Variants in COG6 observed in about 807,000 individuals in gnomAD.
COG6 encodes conserved oligomeric Golgi complex subunit 6.
COG6 carries 74 observed loss-of-function variants against 88.8 expected under a neutral mutation model. The observed-to-expected ratio is 0.83, with a 90% confidence interval of 0.69 to 1.01. The LOEUF is 1.01. Ranked by LOEUF, COG6 falls within the 50% of genes least tolerant of loss-of-function variation. The pLI, the probability that COG6 is intolerant of heterozygous loss-of-function variation, is 0.00. For missense variants in COG6, 800 were observed against 797.9 expected (o/e 1.00, Z -0.03); for synonymous variants, 286 against 278.7 (o/e 1.03, Z -0.26).
At chr13:39,715,074 G>T (rs1047758535) in intron 13 of COG6, among the ~76,000 whole-genome samples, 4 of 152,030 alleles carry the variant, frequency 2.6e-5, no homozygotes, top group African/African-American at 9.7e-5. Flanking sequence ...GATGAGGAGT[G>T]AGGGATGAAA....
At chr13:39,785,844 C>T (rs575386493) in intron 18 of COG6, among the ~76,000 whole-genome samples, 13 of 152,212 alleles carry the variant, frequency 8.5e-5, no homozygotes, top group South Asian at 2.1e-4. Flanking sequence ...CAAATCAAAA[C>T]GGAGAGAGTA....
rs1878742699 is a variant in COG6 at position 39,719,687 on chromosome 13, CTACAGATGTGT to C, written c.1445_1455del (p.Leu482HisfsTer11). ...TTTATCATGTGTCTTGGATCCTCTC[CTACAGATGTGT>C]ACTGTATCAGCCAGCAATTTAGGCA... On this transcript the variant is annotated frameshift_variant, in exon 15 of 19. Transcript: ENST00000455146. LOFTEE classifies it high-confidence loss of function. 1 of 1,612,684 alleles carries C rather than the reference CTACAGATGTGT, an allele frequency of 6.2e-7. No homozygotes were observed. Among genetic ancestry groups the C allele is most frequent in the Non-Finnish European group, 8.5e-7 (1 of 1,179,110 alleles).
chr13:39,710,001 A>T (rs1878151129), intron 13 of COG6, among the ~76,000 whole-genome samples: 1 of 152,048 alleles, frequency 6.6e-6, no homozygotes, highest in South Asian at 2.1e-4. Context: ...TATTCCATTG[A>T]TTTCATTTTA....
At chr13:39,750,065 A>G (rs558682255) in intron 18 of COG6, among the ~76,000 whole-genome samples, 1 of 152,328 alleles carries the variant, frequency 6.6e-6, no homozygotes, top group South Asian at 2.1e-4. Flanking sequence ...CATTAACAGA[A>G]GTAGGAAACT....
chr13:39,718,623 C>G (rs1237365567), intron 13 of COG6, among the ~76,000 whole-genome samples: 1 of 152,068 alleles, frequency 6.6e-6, no homozygotes, highest in Non-Finnish European at 1.5e-5. Flanking sequence ...GATTACACAA[C>G]TAGTAAGTGA....
In COG6 at chr13:39,751,729, C is replaced by T. The variant is rs1880644275; in HGVS notation, c.*636C>T. 7.8e-7 allele frequency: 1 copy of T among 1,286,634 alleles called. No individual in the cohort carries two copies. Among genetic ancestry groups the T allele is most frequent in the East Asian group, 5.6e-5 (1 of 18,018 alleles). 79.7% of individuals were successfully genotyped at this position (1,286,634 alleles called of 1,614,324 possible). A position where few individuals can be genotyped will look rare whatever the true frequency, so the allele number is the denominator to read the frequency against. On this transcript the variant is annotated 3_prime_UTR_variant, in exon 19 of 19. Transcript: ENST00000455146. ...ATTCTTATGCAATTTTAAGTATACA[C>T]TCAGCAATAATTAGAAAAAAAGGAG...
At chr13:39,693,598 C>T (rs912454877) in intron 11 of COG6, among the ~76,000 whole-genome samples, 7 of 151,738 alleles carry the variant, frequency 4.6e-5, no homozygotes, top group Non-Finnish European at 1.0e-4. Flanking sequence ...GTTCAAATGC[C>T]ATTCATGATC....
Position 39,687,582 on chromosome 13 carries a change from C to A in COG6, c.868C>A (p.Pro290Thr). 6.2e-7 allele frequency: 1 copy of A among 1,613,418 alleles called. No homozygotes were observed. The highest frequency in any genetic ancestry group is 8.5e-7 in the Non-Finnish European group (1 of 1,179,920). The change falls in exon 9 of 19, where the codon CCC becomes ACC. Residue 290 changes from proline to threonine, a missense_variant. By Grantham distance (38) the Pro-to-Thr change is conservative. Transcript: ENST00000455146. ...TATTGATGCGCTCACAAGAGGGGGCCCCGGAGGTACACCTAGACCAATTGA... is the reference window on the plus strand; with the variant it reads ...TATTGATGCGCTCACAAGAGGGGGCACCGGAGGTACACCTAGACCAATTGA... ...GFIDALTRGG[P>T]GGTPRPIEMH...
chr13:39,783,807 C>T (rs1400855413), intron 18 of COG6, among the ~76,000 whole-genome samples: 1 of 152,178 alleles, frequency 6.6e-6, no homozygotes, highest in Non-Finnish European at 1.5e-5. Context: ...AAGTGGCCAT[C>T]CAAATACAAC....
chr13:39,719,194 T>C lies in COG6; in HGVS notation c.1285-42T>C, dbSNP rs116911204. 5.1e-3 allele frequency: 8,215 copies of C among 1,601,296 alleles called. 26 individuals are homozygous for C. Among genetic ancestry groups the C allele is most frequent in the Non-Finnish European group, 6.5e-3 (7,625 of 1,169,714 alleles). The stretch of plus-strand genomic sequence containing the variant: ...CTTACATTTATACATTAAAATTTAG[T>C]GGAAAAAATATAAGGAGTGGGTAAA... On this transcript the variant is annotated intron_variant, in intron 13 of 18. Coordinates refer to ENST00000455146, the MANE Select transcript of COG6 (RefSeq NM_020751.3).
At chr13:39,791,283 T>G (rs1881930649) in exon 19 of COG6, 1 of 152,092 alleles carries the variant, frequency 6.6e-6, no homozygotes, top group African/African-American at 2.4e-5. Flanking sequence ...ATTATTATAT[T>G]GTATTGAAGC....
intron 3 of COG6, among the ~76,000 whole-genome samples, chr13:39,663,108 G>A (rs1381057767): frequency 6.6e-6 from 1 of 151,166 alleles, no homozygotes; most frequent in Non-Finnish European, 1.5e-5. Flanking sequence ...GCATTTAGAT[G>A]CATATGTTTA....
intron 12 of COG6, among the ~76,000 whole-genome samples, chr13:39,695,035 T>TA (rs1400474764): frequency 6.6e-6 from 1 of 150,864 alleles, no homozygotes; most frequent in Non-Finnish European, 1.5e-5. Context: ...CTTTATTGAG[T>TA]CTTCCTGCAT....
At chr13:39,708,249 T>C (rs900877105) in intron 13 of COG6, among the ~76,000 whole-genome samples, 3 of 152,234 alleles carry the variant, frequency 2.0e-5, no homozygotes, top group Non-Finnish European at 4.4e-5. Flanking sequence ...TATTGACTTA[T>C]AAGAGTTTTC....
chr13:39,743,244 G>A (rs7993319), intron 18 of COG6, among the ~76,000 whole-genome samples: 151,790 of 152,270 alleles, frequency 1, 75,659 homozygotes, highest in Non-Finnish European at 1. Flanking sequence ...GGCAAGAAAT[G>A]ACTAAGATCA....
intron 18 of COG6, among the ~76,000 whole-genome samples, chr13:39,740,452 G>A (rs1393198805): frequency 6.6e-6 from 1 of 152,092 alleles, no homozygotes; most frequent in African/African-American, 2.4e-5. Flanking sequence ...TTTAAAAGAG[G>A]ATATTGTTTA....
At chr13:39,739,686 C>G (rs1377901318) in intron 18 of COG6, among the ~76,000 whole-genome samples, 1 of 152,056 alleles carries the variant, frequency 6.6e-6, no homozygotes, top group Non-Finnish European at 1.5e-5. Flanking sequence ...CTACAGCAAA[C>G]ATAATACTTA....
At chr13:39,765,942 C>T (rs552052624) in intron 18 of COG6, among the ~76,000 whole-genome samples, 44 of 152,332 alleles carry the variant, frequency 2.9e-4, no homozygotes, top group Non-Finnish European at 5.1e-4. Context: ...GCTCAAATGC[C>T]AAGTGCCTGT....
At chr13:39,779,105 G>A (rs1230317751) in intron 18 of COG6, among the ~76,000 whole-genome samples, 1 of 152,168 alleles carries the variant, frequency 6.6e-6, no homozygotes, top group Non-Finnish European at 1.5e-5. Flanking sequence ...GTGACCTTGA[G>A]CAATCTATTT....
Sources: gnomAD v4.1 joint callset for allele counts (sites outside exome capture counted in the v4.1 genomes callset) on GRCh38, gnomAD v4.1.1 for gene constraint, MANE v1.5 for transcripts, NCBI Gene and HGNC (gene_info 2026-07-23, HGNC 2026-07-21) for gene names.